The following SS18 variants were observed in gnomAD, a reference collection of about 807,000 sequenced individuals.
SS18 encodes SS18 subunit of BAF chromatin remodeling complex.
SS18 carries 28 observed loss-of-function variants against 72.5 expected under a neutral mutation model. That is an observed-to-expected ratio of 0.39 (90% CI 0.29 to 0.53). The LOEUF (loss-of-function observed/expected upper bound fraction) is 0.53. Among genes scored for constraint, SS18 ranks in the 20% least tolerant of loss-of-function variants. The pLI, the probability that SS18 is intolerant of heterozygous loss-of-function variation, is 0.76. For synonymous variants in SS18, 172 were observed against 164.2 expected (o/e 1.05, Z -0.37); for missense variants, 518 against 535.3 (o/e 0.97, Z 0.32).
chr18:26,087,031 G>A (rs9964427), intron 2 of SS18, among the ~76,000 whole-genome samples: 9,730 of 152,146 alleles, frequency 0.064, 873 homozygotes, highest in African/African-American at 0.2. Flanking sequence ...GGCCATCACC[G>A]ATGGATAAAT....
intron 10 of SS18, among the ~76,000 whole-genome samples, chr18:26,028,503 A>T (rs2053489759): frequency 6.6e-6 from 1 of 152,224 alleles, no homozygotes; most frequent in Admixed American, 6.5e-5. Flanking sequence ...CTTGTCCATG[A>T]ATGTTCATAG....
At chr18:26,088,283 G>A (rs1460497704) in intron 1 of SS18, among the ~76,000 whole-genome samples, 1 of 152,168 alleles carries the variant, frequency 6.6e-6, no homozygotes, top group Non-Finnish European at 1.5e-5. Context: ...TCATTCTAAT[G>A]CTTTGGAACA....
At chr18:26,018,506 AT>A (rs1209920227) in intron 10 of SS18, 126 bp from the exon 11 acceptor site, 3 of 616,882 alleles carry the variant, frequency 4.9e-6, no homozygotes, top group Admixed American at 3.1e-5. Flanking sequence ...AATAAACAAA[AT>A]TTTTTTATAT....
At chr18:26,023,470 G>C (rs2053388881) in intron 10 of SS18, 3 of 364,882 alleles carry the variant, frequency 8.2e-6, no homozygotes, top group African/African-American at 4.2e-5. Flanking sequence ...CAAACAATTT[G>C]ATAAAGGGAA....
In SS18 at chr18:26,017,442, G is replaced by C. The variant is rs2053268157; in HGVS notation, c.*912C>G. On this transcript the variant is annotated 3_prime_UTR_variant, in exon 11 of 11. Coordinates refer to ENST00000415083, the MANE Select transcript of SS18 (RefSeq NM_001007559.3). The stretch of plus-strand genomic sequence containing the variant: ...TTTGATATCATTTATAAAATGCTTT[G>C]ATATTACTTACTAAGTTCCCTGATA... 5.2e-6 allele frequency: 1 copy of C among 192,608 alleles called. No homozygotes were observed. Among genetic ancestry groups the C allele is most frequent in the Non-Finnish European group, 1.1e-5 (1 of 91,974 alleles). 11.9% of individuals were successfully genotyped at this position (192,608 alleles called of 1,614,324 possible). A position where few individuals can be genotyped will look rare whatever the true frequency, so the allele number is the denominator to read the frequency against.
At chr18:26,089,620 G>A (rs2054678415) in intron 1 of SS18, 1 of 152,252 alleles carries the variant, frequency 6.6e-6, no homozygotes, top group Non-Finnish European at 1.5e-5. Context: ...AATTTAGAAT[G>A]CTGCCTTGCT....
At chr18:26,042,333 T>C (rs368143065) in intron 5 of SS18, among the ~76,000 whole-genome samples, 2 of 152,176 alleles carry the variant, frequency 1.3e-5, no homozygotes, top group South Asian at 2.1e-4. Context: ...ATCTTTTACA[T>C]AAACAATTTT....
At chr18:26,086,395 G>C (rs545040107) in intron 2 of SS18, among the ~76,000 whole-genome samples, 1 of 152,134 alleles carries the variant, frequency 6.6e-6, no homozygotes, top group South Asian at 2.1e-4. Flanking sequence ...ATACACAATA[G>C]GTTTCCAAGA....
chr18:26,058,528 G>A (rs117191334), intron 3 of SS18, among the ~76,000 whole-genome samples: 3 of 152,274 alleles, frequency 2.0e-5, no homozygotes, highest in East Asian at 1.9e-4. Context: ...TCTTTACTTC[G>A]ATGTTCTAAA....
chr18:26,076,422 C>T (rs1363596999), intron 3 of SS18, among the ~76,000 whole-genome samples: 4 of 151,798 alleles, frequency 2.6e-5, no homozygotes, highest in African/African-American at 7.2e-5. Flanking sequence ...TCTTGTTTTT[C>T]CAAGAAATAA....
chr18:26,026,200 G>A (rs987051428), intron 10 of SS18, among the ~76,000 whole-genome samples: 6 of 152,110 alleles, frequency 3.9e-5, no homozygotes, highest in African/African-American at 1.2e-4. Context: ...GTCTTGCTTT[G>A]TTGCCCAGAC....
chr18:26,077,990 A>G, intron 3 of SS18, 86 bp downstream of exon 3: 1 of 961,236 alleles, frequency 1.0e-6, no homozygotes, highest in Non-Finnish European at 1.6e-6. Flanking sequence ...TTACTAAACA[A>G]AACTTAAAAA....
chr18:26,087,169 G>A (rs558279451), intron 2 of SS18, among the ~76,000 whole-genome samples: 5 of 152,124 alleles, frequency 3.3e-5, no homozygotes, highest in South Asian at 2.1e-4. Context: ...AGTCAAAACC[G>A]ACCACATAGT....
intron 4 of SS18, among the ~76,000 whole-genome samples, chr18:26,054,751 T>G (rs1014224507): frequency 1.3e-5 from 2 of 151,984 alleles, no homozygotes; most frequent in African/African-American, 4.8e-5. Flanking sequence ...CTCTTTTTTT[T>G]TTTTTTGAGA....
rs985182117 is a variant in SS18 at position 26,068,738 on chromosome 18, C to CA, written c.231+9337dup. 1.7e-4 allele frequency among the ~76,000 whole-genome samples: 25 copies of CA among 151,502 alleles called. 1 individual carries two copies. The highest frequency in any genetic ancestry group is 5.6e-4 in the African/African-American group (23 of 41,346). On this transcript the variant is annotated intron_variant, in intron 3 of 10. Transcript: ENST00000415083. ...CTCAGAATGTCAAATATGATGTTAC[C>CA]AAAAAAAATGCAACTTAATTTCAAA...
chr18:26,066,238 C>T (rs1437688062), intron 3 of SS18, among the ~76,000 whole-genome samples: 8 of 151,974 alleles, frequency 5.3e-5, no homozygotes, highest in African/African-American at 1.7e-4. Flanking sequence ...CCCCAATCAT[C>T]TAGTAGCAAA....
chr18:26,070,735 C>T (rs994909918), intron 3 of SS18, among the ~76,000 whole-genome samples: 1 of 152,076 alleles, frequency 6.6e-6, no homozygotes, highest in Non-Finnish European at 1.5e-5. Flanking sequence ...TGGGAAAAAA[C>T]TGAAAGTTAA....
chr18:26,020,999 A>G (rs2053338907), intron 10 of SS18, among the ~76,000 whole-genome samples: 1 of 152,196 alleles, frequency 6.6e-6, no homozygotes, highest in Non-Finnish European at 1.5e-5. Context: ...CTTTGTGTCC[A>G]TCTATATATA....
chr18:26,074,540 C>T (rs8093957), intron 3 of SS18, among the ~76,000 whole-genome samples: 15,579 of 151,940 alleles, frequency 0.1, 1,145 homozygotes, highest in African/African-American at 0.19. Context: ...CTTGCAAAAA[C>T]GTAACATGAT....
Sources: gnomAD v4.1 joint callset for allele counts (sites outside exome capture counted in the v4.1 genomes callset) on GRCh38, gnomAD v4.1.1 for gene constraint, MANE v1.5 for transcripts, NCBI Gene and HGNC (gene_info 2026-07-23, HGNC 2026-07-21) for gene names.